Variants in FAHD1 observed in about 807,000 individuals in gnomAD.
FAHD1 encodes the protein oxaloacetate tautomerase FAHD1, mitochondrial.
A neutral mutation model predicts 12.7 loss-of-function variants in FAHD1; 14 were observed. That is an observed-to-expected ratio of 1.10 (90% CI 0.73 to 1.72). The LOEUF is 1.72. Ranked by LOEUF, FAHD1 falls within the 40% of genes most tolerant of loss-of-function variation. The pLI, the probability that FAHD1 is intolerant of heterozygous loss-of-function variation, is 0.00. For missense variants in FAHD1, 351 were observed against 298.9 expected (o/e 1.17, Z -1.29); for synonymous variants, 153 against 124.9 (o/e 1.22, Z -1.50).
exon 1 of FAHD1, chr16:1,827,734 A>G: frequency 6.2e-7 from 1 of 1,614,126 alleles, no homozygotes; most frequent in Non-Finnish European, 8.5e-7. Flanking sequence ...GATTTTTTCC[A>G]TCCCCTACAT....
At chr16:1,832,668 C>T (rs748328782), downstream of FAHD1, among the ~76,000 whole-genome samples, 3 of 152,154 alleles carry the variant, frequency 2.0e-5, no homozygotes, top group East Asian at 2.0e-4. Context: ...CTCCTGAGCT[C>T]CTGGACACGG....
At chr16:1,829,875 C>T (rs11644998), downstream of FAHD1, among the ~76,000 whole-genome samples, 25,627 of 149,120 alleles carry the variant, frequency 0.17, 2,307 homozygotes, top group South Asian at 0.27. Flanking sequence ...TTTCTTTTTT[C>T]TTTTTGAGAT....
chr16:1,828,595 A>AC, exon 1 of FAHD1: 1 of 999,886 alleles, frequency 1.0e-6, no homozygotes, highest in Non-Finnish European at 1.2e-6. Flanking sequence ...ATTTTCTTAG[A>AC]TTTGGTCATC....
chr16:1,828,066 C>T lies in FAHD1; in HGVS notation c.*162C>T, dbSNP rs1143034. The T allele has an allele frequency of 1.8e-5, 23 of 1,310,756 alleles. No homozygotes were observed. The South Asian group carries it at 3.3e-4, about 19-fold the overall frequency. The allele number at this position is 1,310,756 out of a possible 1,614,324, so 81.2% of individuals were successfully genotyped here. On this transcript the variant is annotated 3_prime_UTR_variant, in exon 1 of 1. Coordinates refer to ENST00000427358, the Ensembl canonical transcript of FAHD1. ...GGAGGCCGAGGCGGGCGGCTCACGA[C>T]GTCAGGAGATCCAGACCATCTTGGC...
chr16:1,830,427 C>T (rs1273849857), downstream of FAHD1, among the ~76,000 whole-genome samples: 1 of 152,166 alleles, frequency 6.6e-6, no homozygotes, highest in East Asian at 1.9e-4. Context: ...AGTCTGCTAC[C>T]AGGTACACGG....
In FAHD1 at chr16:1,827,296, G is replaced by T. The variant is rs145433996; in HGVS notation, c.58G>T (p.Val20Leu). 3.1e-6 allele frequency: 5 copies of T among 1,613,088 alleles called. No individual in the cohort carries two copies. The African/African-American group carries it at 6.7e-5, about 22-fold the overall frequency. ...GGAGTGGGGAAAGAACATCGTCTGC[G>T]TGGGGAGGAACTACGCGGACCACGT... The change falls in exon 1 of 1, where the codon GTG becomes TTG. Residue 20 changes from valine to leucine, a missense_variant. Coordinates refer to ENST00000427358, the Ensembl canonical transcript of FAHD1.
At chr16:1,837,528 C>T (rs969197718) in intron 1 of FAHD1, among the ~76,000 whole-genome samples, 2 of 152,074 alleles carry the variant, frequency 1.3e-5, no homozygotes, top group Admixed American at 6.6e-5. Flanking sequence ...AAGCCCTTTC[C>T]CCTGTTTTGG....
chr16:1,828,974 G>A (rs1210269323), downstream of FAHD1: 1 of 967,838 alleles, frequency 1.0e-6, no homozygotes, highest in Non-Finnish European at 1.2e-6. Context: ...CCTCCTTGTG[G>A]GGCTTCAGAC....
At chr16:1,830,915 T>TCTACACACACACACACACACACACAC (rs1326026830), downstream of FAHD1, among the ~76,000 whole-genome samples, 15 of 37,564 alleles carry the variant, frequency 4.0e-4, no homozygotes, top group African/African-American at 1.2e-3. Flanking sequence ...TCTCTCTCTC[T>TCTACACACACACACACACACACACAC]ATACACACAC....
At chr16:1,829,516 G>A (rs1237891161), downstream of FAHD1, among the ~76,000 whole-genome samples, 1 of 152,100 alleles carries the variant, frequency 6.6e-6, no homozygotes, top group African/African-American at 2.4e-5. Context: ...CACAATGCAG[G>A]CTGCATCTTG....
chr16:1,837,776 G>A (rs1259071934), intron 1 of FAHD1: 8 of 1,392,514 alleles, frequency 5.7e-6, no homozygotes, highest in Non-Finnish European at 7.9e-6. Flanking sequence ...ACTATAAAAT[G>A]CACTAACTTT....
At chr16:1,830,538 C>T (rs1170833617), downstream of FAHD1, among the ~76,000 whole-genome samples, 1 of 152,174 alleles carries the variant, frequency 6.6e-6, no homozygotes, top group African/African-American at 2.4e-5. Flanking sequence ...CACAAGCCAG[C>T]ACCGAGTACA....
chr16:1,837,374 T>C (rs1357573499), intron 1 of FAHD1, among the ~76,000 whole-genome samples: 3 of 152,084 alleles, frequency 2.0e-5, no homozygotes, highest in African/African-American at 7.2e-5. Context: ...TCTGACCTTT[T>C]GGGGTTCAGG....
chr16:1,839,533 A>G (rs1171155877), exon 3 of FAHD1: 3 of 1,178,272 alleles, frequency 2.5e-6, no homozygotes, highest in Non-Finnish European at 3.5e-6. Context: ...ACTCTACGAC[A>G]GTGTGTGGAA....
At chr16:1,829,031 C>A, downstream of FAHD1, 3 of 545,102 alleles carry the variant, frequency 5.5e-6, no homozygotes, top group Non-Finnish European at 7.1e-6. Context: ...TGTGTTAACA[C>A]AGTTAATCAG....
chr16:1,831,586 T>C (rs372663172), downstream of FAHD1, among the ~76,000 whole-genome samples: 2 of 152,204 alleles, frequency 1.3e-5, no homozygotes, highest in East Asian at 3.8e-4. Flanking sequence ...ATTGCACACT[T>C]TTCAGATGCT....
rs142676593 is a variant in FAHD1 at position 1,827,559 on chromosome 16, C to A, written c.321C>A (p.Asp107Glu). 231 of 1,613,418 alleles carry A rather than the reference C, an allele frequency of 1.4e-4. 1 individual carries two copies. In the African/African-American group the frequency reaches 2.8e-3, roughly 20 times the overall value. The stretch of plus-strand genomic sequence containing the variant: ...ATATGACCGCCCGGGACGTGCAGGA[C>A]GAGTGCAAGAAGAAGGGGCTGCCCT... The change falls in exon 1 of 1, where the codon GAC (aspartate) becomes GAA (glutamate). Residue 107 changes from aspartate to glutamate, a missense_variant. Physicochemically the swap from Asp to Glu is conservative, Grantham distance 45. Transcript: ENST00000427358.
At chr16:1,839,286 C>T (rs373473943) in exon 3 of FAHD1, 4 of 1,613,436 alleles carry the variant, frequency 2.5e-6, no homozygotes, top group Non-Finnish European at 2.5e-6. Context: ...AGCAACACTT[C>T]CTGTGAGACT....
At chr16:1,830,935 CA>C (rs1898610348), downstream of FAHD1, among the ~76,000 whole-genome samples, 3 of 109,222 alleles carry the variant, frequency 2.7e-5, no homozygotes, top group African/African-American at 2.9e-5. Context: ...CACACACACA[CA>C]CACACACACC....
Sources: allele counts gnomAD v4.1 joint callset (sites outside exome capture counted in the v4.1 genomes callset), GRCh38; gene constraint gnomAD v4.1.1; transcripts MANE v1.5; gene names NCBI Gene and HGNC (gene_info 2026-07-23, HGNC 2026-07-21).